Variants in SDHA observed in about 807,000 individuals in gnomAD.
SDHA encodes succinate dehydrogenase complex flavoprotein subunit A.
In SDHA, 48 loss-of-function variants were observed where a neutral mutation model predicts 78.4. That is an observed-to-expected ratio of 0.61 (90% CI 0.49 to 0.78). The LOEUF (loss-of-function observed/expected upper bound fraction) is 0.78, where lower values mean the gene tolerates loss of function less well. SDHA is among the 30% of genes least tolerant of loss of function. The pLI is 0.00. For synonymous variants in SDHA, 326 were observed against 353.9 expected (o/e 0.92, Z 0.88); for missense variants, 680 against 892.7 (o/e 0.76, Z 3.04).
chr5:247,233 A>G (rs1428503020), intron 11 of SDHA, among the ~76,000 whole-genome samples: 1 of 152,248 alleles, frequency 6.6e-6, no homozygotes, highest in Non-Finnish European at 1.5e-5. Context: ...TTCTTCATAC[A>G]TGGTTCATTC....
At chr5:235,562 C>T (rs899000335) in intron 9 of SDHA, 3 of 593,732 alleles carry the variant, frequency 5.1e-6, no homozygotes, top group Non-Finnish European at 9.1e-6. Context: ...TCATTTGCAG[C>T]TTTTTCCATT....
rs778737664 is a variant in SDHA at position 225,560 on chromosome 5, G to T, written c.454G>T (p.Glu152Ter). ...MTEQAPAAVV[E>*]LENYGMPFSR... ...GGAGCAGGCCCCCGCCGCCGTGGTC[G>T]AGGTGATGGGCGGGAGGCTCTGGGT... The change falls in exon 4 of 15, where the codon GAG becomes TAG. Residue 152 changes from glutamate (E) to a stop codon, truncating the protein, a stop_gained and splice_region_variant. Transcript: ENST00000264932. LOFTEE classifies it high-confidence loss of function. The T allele has an allele frequency of 1.9e-6, 3 of 1,613,958 alleles. No individual in the cohort carries two copies. Among genetic ancestry groups the T allele is most frequent in the African/African-American group, 2.7e-5 (2 of 75,046 alleles).
At chr5:226,082 G>A (rs546362356) in intron 5 of SDHA, 35 bp downstream of exon 5, 33 of 1,611,710 alleles carry the variant, frequency 2.0e-5, no homozygotes, top group South Asian at 8.8e-5. Flanking sequence ...GACAGGACAC[G>A]TAGTGCTGGG....
intron 6 of SDHA, among the ~76,000 whole-genome samples, chr5:230,464 T>C (rs1383789658): frequency 6.6e-6 from 1 of 151,854 alleles, no homozygotes; most frequent in Non-Finnish European, 1.5e-5. Flanking sequence ...CCATCTCTAC[T>C]AAAAATACAA....
chr5:220,714 G>A (rs1156978926), intron 1 of SDHA, among the ~76,000 whole-genome samples: 3 of 152,056 alleles, frequency 2.0e-5, no homozygotes, highest in Admixed American at 6.5e-5. Flanking sequence ...CCGTCTTTCC[G>A]TGGGGTTAGT....
chr5:231,810 A>G (rs1560993275), intron 7 of SDHA, among the ~76,000 whole-genome samples: 1 of 151,582 alleles, frequency 6.6e-6, no homozygotes. Flanking sequence ...ATGGGATGTA[A>G]AGTTAGGACG....
chr5:232,228 C>T (rs1183724582), intron 7 of SDHA, among the ~76,000 whole-genome samples: 4 of 151,802 alleles, frequency 2.6e-5, no homozygotes, highest in South Asian at 2.1e-4. Context: ...TTATTTGTTT[C>T]GAGATGGGGT....
intron 11 of SDHA, among the ~76,000 whole-genome samples, chr5:247,524 A>G (rs1736536716): frequency 6.6e-6 from 1 of 152,248 alleles, no homozygotes; most frequent in Non-Finnish European, 1.5e-5. Context: ...GAAAGAAGCT[A>G]AAGCTATTAT....
At chr5:266,112 A>G in the SDHA span, among the ~76,000 whole-genome samples, 1 of 152,232 alleles carries the variant, frequency 6.6e-6, no homozygotes, top group African/African-American at 2.4e-5. Flanking sequence ...ATGTCCAGGG[A>G]CCACAGTTTG....
At chr5:251,860 G>C in intron 13 of SDHA, 3 of 407,580 alleles carry the variant, frequency 7.4e-6, no homozygotes, top group South Asian at 6.2e-5. Flanking sequence ...GTAAGCCACC[G>C]TTTCAAACCT....
chr5:262,710 T>G, the SDHA span, among the ~76,000 whole-genome samples: 20,857 of 151,256 alleles, frequency 0.14, 883 homozygotes, highest in African/African-American at 0.19. Flanking sequence ...TAGAAGTAAA[T>G]GGGCTGCTGC....
At chr5:246,512 A>G (rs1736473310) in intron 11 of SDHA, among the ~76,000 whole-genome samples, 1 of 152,248 alleles carries the variant, frequency 6.6e-6, no homozygotes. Context: ...CTTGAGCTGC[A>G]GCTGATCGAA....
chr5:228,693 C>T (rs1368810724), intron 6 of SDHA, among the ~76,000 whole-genome samples: 3 of 152,120 alleles, frequency 2.0e-5, no homozygotes, highest in East Asian at 1.9e-4. Flanking sequence ...ACTGATTCCT[C>T]GGGTGGGTAA....
Position 225,753 on chromosome 5 carries a change from G to A in SDHA, c.457-130G>A, listed in dbSNP as rs1046766708. Reference sequence around the variant, plus strand: ...CAAGAAAACTTCTCTTTGATGAAGTGTTGACATTTTCATAAAATAGGTTAC... The same window carrying A: ...CAAGAAAACTTCTCTTTGATGAAGTATTGACATTTTCATAAAATAGGTTAC... On this transcript the variant is annotated intron_variant, in intron 4 of 14. Transcript: ENST00000264932. 4 of 1,380,508 alleles carry A rather than the reference G, an allele frequency of 2.9e-6. No individual in the cohort carries two copies. In the African/African-American group the frequency reaches 5.7e-5, roughly 20 times the overall value. The allele number at this position is 1,380,508 out of a possible 1,614,324, so 85.5% of individuals were successfully genotyped here.
the SDHA span, among the ~76,000 whole-genome samples, chr5:264,846 G>A: frequency 1.3e-5 from 2 of 152,126 alleles, no homozygotes; most frequent in African/African-American, 4.8e-5. Flanking sequence ...TTGTCTTATT[G>A]GTATTAAGCC....
chr5:232,162 T>C (rs1735446371), intron 7 of SDHA, among the ~76,000 whole-genome samples: 1 of 152,164 alleles, frequency 6.6e-6, no homozygotes, highest in Non-Finnish European at 1.5e-5. Flanking sequence ...AGTGTCAGCT[T>C]TCTGATCCCT....
intron 7 of SDHA, 115 bp downstream of exon 7, chr5:231,115 G>C (rs1223663359): frequency 1.9e-5 from 23 of 1,237,682 alleles, no homozygotes; most frequent in Non-Finnish European, 2.6e-5. Context: ...TTGAAGATCA[G>C]CTTCCTCAGC....
intron 11 of SDHA, among the ~76,000 whole-genome samples, chr5:246,802 T>C (rs1272893601): frequency 6.6e-6 from 1 of 152,278 alleles, no homozygotes; most frequent in Non-Finnish European, 1.5e-5. Flanking sequence ...TCTAACTCCT[T>C]ATTTGGATCA....
intron 1 of SDHA, among the ~76,000 whole-genome samples, chr5:219,535 G>A (rs1387012739): frequency 6.6e-6 from 1 of 151,978 alleles, no homozygotes; most frequent in Non-Finnish European, 1.5e-5. Flanking sequence ...TAAAAATCTC[G>A]TTGAGTTAAA....
Sources: allele counts gnomAD v4.1 joint callset (sites outside exome capture counted in the v4.1 genomes callset), GRCh38; gene constraint gnomAD v4.1.1; transcripts MANE v1.5; gene names NCBI Gene and HGNC (gene_info 2026-07-23, HGNC 2026-07-21).